Variants in GRID1 observed in about 807,000 individuals in gnomAD.
The protein encoded by GRID1 is glutamate receptor ionotropic, delta-1.
A neutral mutation model predicts 98.0 loss-of-function variants in GRID1; 28 were observed. The observed-to-expected ratio is 0.29, with a 90% CI of 0.21 to 0.39. The LOEUF (loss-of-function observed/expected upper bound fraction) is 0.39, where lower values mean the gene tolerates loss of function less well. Ranked by LOEUF, GRID1 falls within the 10% of genes least tolerant of loss-of-function variation. GRID1 has a pLI of 1.00. For missense variants in GRID1, 1,111 were observed against 1,340.5 expected (o/e 0.83, Z 2.67); for synonymous variants, 553 against 538.5 (o/e 1.03, Z -0.37).
At chr10:85,763,313 G>A (rs968831560) in intron 8 of GRID1, among the ~76,000 whole-genome samples, 2 of 152,100 alleles carry the variant, frequency 1.3e-5, no homozygotes, top group African/African-American at 2.4e-5. Context: ...TTTCTCTTAC[G>A]AGGAAGAGCA....
intron 8 of GRID1, among the ~76,000 whole-genome samples, chr10:85,794,465 T>G (rs993470954): frequency 6.6e-6 from 1 of 152,210 alleles, no homozygotes; most frequent in Admixed American, 6.5e-5. Context: ...TGCTCTTGAA[T>G]GAAAGCCAGT....
intron 3 of GRID1, among the ~76,000 whole-genome samples, chr10:86,175,554 T>G (rs183597759): frequency 1.3e-3 from 197 of 152,250 alleles, no homozygotes; most frequent in African/African-American, 4.5e-3. Flanking sequence ...ACTGCCCCAC[T>G]GCAACGGCTC....
At chr10:85,770,679 C>A (rs1842254969) in intron 8 of GRID1, among the ~76,000 whole-genome samples, 1 of 152,122 alleles carries the variant, frequency 6.6e-6, no homozygotes, top group African/African-American at 2.4e-5. Context: ...GTGAAGAATG[C>A]AGAAGCCTCG....
intron 4 of GRID1, among the ~76,000 whole-genome samples, chr10:85,974,114 A>G (rs1404575653): frequency 6.6e-6 from 1 of 152,168 alleles, no homozygotes; most frequent in Non-Finnish European, 1.5e-5. Context: ...CTTTCTACGG[A>G]AAGTCTATGC....
At chr10:86,313,931 G>A (rs142693435) in intron 2 of GRID1, among the ~76,000 whole-genome samples, 13 of 152,176 alleles carry the variant, frequency 8.5e-5, no homozygotes, top group African/African-American at 2.2e-4. Flanking sequence ...TTTCCCCTTC[G>A]CAATCTCATA....
chr10:86,240,187 A>G (rs1846604498), intron 2 of GRID1, among the ~76,000 whole-genome samples: 1 of 152,212 alleles, frequency 6.6e-6, no homozygotes, highest in South Asian at 2.1e-4. Flanking sequence ...GAAACCAAAT[A>G]TCACATTTCC....
chr10:86,363,261 A>G (rs1848625619), intron 2 of GRID1, among the ~76,000 whole-genome samples: 1 of 152,204 alleles, frequency 6.6e-6, no homozygotes, highest in South Asian at 2.1e-4. Context: ...GTAGGCCAGG[A>G]TTTCCCCGCA....
intron 8 of GRID1, among the ~76,000 whole-genome samples, chr10:85,806,020 A>T (rs1842620493): frequency 6.6e-6 from 1 of 151,954 alleles, no homozygotes; most frequent in African/African-American, 2.4e-5. Context: ...CATTAAGGAA[A>T]AGACAAGCAA....
intron 4 of GRID1, among the ~76,000 whole-genome samples, chr10:86,039,223 T>C (rs1457787732): frequency 7.2e-5 from 11 of 152,192 alleles, no homozygotes; most frequent in African/African-American, 2.7e-4. Flanking sequence ...ATGGTCATTT[T>C]CCCCTATTCC....
chr10:85,885,581 G>T (rs1384727847), intron 5 of GRID1, among the ~76,000 whole-genome samples: 1 of 152,166 alleles, frequency 6.6e-6, no homozygotes, highest in Non-Finnish European at 1.5e-5. Flanking sequence ...GGGATAATTT[G>T]GAGACACAAG....
intron 2 of GRID1, among the ~76,000 whole-genome samples, chr10:86,218,475 A>T (rs1350657632): frequency 6.6e-6 from 1 of 152,118 alleles, no homozygotes; most frequent in African/African-American, 2.4e-5. Flanking sequence ...CTGCCAGCCT[A>T]ACCAGCCCCA....
chr10:85,711,855 A>G (rs2132636933), intron 12 of GRID1, among the ~76,000 whole-genome samples: 1 of 151,894 alleles, frequency 6.6e-6, no homozygotes, highest in South Asian at 2.1e-4. Flanking sequence ...AATTAAGGTC[A>G]GGGTGTAGGT....
Position 85,821,540 on chromosome 10 carries a change from A to AAAAAAG in GRID1, c.1233+32950_1233+32955dup, listed in dbSNP as rs1842772633. Among the ~76,000 whole-genome samples, 2 of 87,804 alleles carry AAAAAAG rather than the reference A, an allele frequency of 2.3e-5. 1 individual carries two copies. The allele number at this position is 87,804 out of a possible 152,430, so 57.6% of individuals were successfully genotyped here. ...TCAAAAAAAAAAAAAAAAAAAAAAA[A>AAAAAAG]AAAAAGAAAACAGATCAATAGTTGA... On this transcript the variant is annotated intron_variant, in intron 8 of 15. Coordinates refer to ENST00000327946, the MANE Select transcript of GRID1 (RefSeq NM_017551.3).
intron 5 of GRID1, among the ~76,000 whole-genome samples, chr10:85,886,935 C>A (rs1179963551): frequency 1.3e-5 from 2 of 152,098 alleles, no homozygotes; most frequent in Admixed American, 1.3e-4. Context: ...TCCTTTTATT[C>A]CTTAGGAAGA....
intron 8 of GRID1, among the ~76,000 whole-genome samples, chr10:85,836,546 G>A (rs1173713440): frequency 6.6e-6 from 1 of 152,212 alleles, no homozygotes; most frequent in Non-Finnish European, 1.5e-5. Context: ...AGGACCCCTT[G>A]ACCATCACGG....
chr10:86,321,289 A>G (rs1847967453), intron 2 of GRID1, among the ~76,000 whole-genome samples: 1 of 152,100 alleles, frequency 6.6e-6, no homozygotes, highest in Non-Finnish European at 1.5e-5. Flanking sequence ...CCACATTATA[A>G]ATCTCTTCTG....
chr10:85,747,807 T>C (rs554332163), intron 8 of GRID1, among the ~76,000 whole-genome samples: 1 of 152,046 alleles, frequency 6.6e-6, no homozygotes, highest in Non-Finnish European at 1.5e-5. Context: ...ACCAAGACAG[T>C]GTAAGGGGTA....
chr10:86,204,857 A>C (rs1846003554), intron 3 of GRID1, among the ~76,000 whole-genome samples: 1 of 152,152 alleles, frequency 6.6e-6, no homozygotes, highest in African/African-American at 2.4e-5. Flanking sequence ...GCCTCAGAGC[A>C]GGCTGGACTT....
Position 85,727,985 on chromosome 10 carries a change from A to G in GRID1, c.1403T>C (p.Ile468Thr), listed in dbSNP as rs1841781059. 3 of 1,613,726 alleles carry G rather than the reference A, an allele frequency of 1.9e-6. No individual in the cohort carries two copies. Among genetic ancestry groups the G allele is most frequent in the Non-Finnish European group, 2.5e-6 (3 of 1,179,724 alleles). Residue 468 changes from isoleucine to threonine, a missense_variant, in exon 10 of 16, where the codon ATA becomes ACA. Coordinates refer to ENST00000327946, the MANE Select transcript of GRID1 (RefSeq NM_017551.3). Reference sequence around the variant, plus strand: ...CTTGGCCAGTGCATCCAGGACATCTATGGAGAACCCTTTGTAGCGCTTGGG... The same window carrying G: ...CTTGGCCAGTGCATCCAGGACATCTGTGGAGAACCCTTTGTAGCGCTTGGG... ...GQPKRYKGFS[I>T]DVLDALAKAL... is the part of the protein sequence containing the mutation.
Sources: gnomAD v4.1 joint callset for allele counts (sites outside exome capture counted in the v4.1 genomes callset) on GRCh38, gnomAD v4.1.1 for gene constraint, MANE v1.5 for transcripts, NCBI Gene and HGNC (gene_info 2026-07-23, HGNC 2026-07-21) for gene names.